MIB1: variants seen among roughly 807,000 people sequenced by gnomAD.
MIB1 encodes MIB E3 ubiquitin protein ligase 1.
Under a neutral mutation model 124.5 loss-of-function variants are expected in MIB1, and 278 were observed. The ratio of observed to expected loss-of-function variants is 2.23; its 90% confidence interval spans 2.02 to 2.47. The LOEUF is 2.47. Among genes scored for constraint, MIB1 ranks in the 30% most tolerant of loss-of-function variants. MIB1 has a pLI of 0.00. For synonymous variants in MIB1, 446 were observed against 429.4 expected, an observed-to-expected ratio of 1.04 and a Z score of -0.48; for missense variants, 957 against 1,254.4, an observed-to-expected ratio of 0.76 and a Z score of 3.58.
chr18:21,766,554 C>T (rs1230701060), intron 2 of MIB1, among the ~76,000 whole-genome samples: 1 of 152,098 alleles, frequency 6.6e-6, no homozygotes, highest in Non-Finnish European at 1.5e-5. Flanking sequence ...GATACAGATA[C>T]TGCAAAGGAG....
At chr18:21,758,353 G>A (rs1331926632) in intron 1 of MIB1, among the ~76,000 whole-genome samples, 1 of 152,122 alleles carries the variant, frequency 6.6e-6, no homozygotes, top group Admixed American at 6.6e-5. Flanking sequence ...TATTTTGATG[G>A]TTCAGGGAAA....
At chr18:21,758,595 C>T (rs563443763) in intron 1 of MIB1, among the ~76,000 whole-genome samples, 7 of 151,552 alleles carry the variant, frequency 4.6e-5, no homozygotes, top group African/African-American at 1.7e-4. Context: ...AGTGCAATGG[C>T]GTGGTCTTGA....
rs751438385 is a variant in MIB1, at chr18:21,815,826, A to G, written c.1677+13A>G. 3 of 1,610,512 alleles carry G rather than the reference A, an allele frequency of 1.9e-6. No individual in the cohort carries two copies. Among genetic ancestry groups the G allele is most frequent in the Non-Finnish European group, 2.5e-6 (3 of 1,176,738 alleles). ...TCCCAGTCTCCAGGTAAAACCTTTA[A>G]AGAAACACATCCTGCAGGTATTGCT... On this transcript the variant is annotated intron_variant, in intron 11 of 20. Transcript: ENST00000261537.
At chr18:21,732,235 G>A (rs999852106) in intron 1 of MIB1, among the ~76,000 whole-genome samples, 25 of 151,744 alleles carry the variant, frequency 1.6e-4, no homozygotes, top group Admixed American at 1.6e-3. Context: ...GGCTGAGGCA[G>A]GAGAATTACT....
intron 15 of MIB1, 54 bp downstream of exon 15, chr18:21,844,307 G>T: frequency 6.5e-7 from 1 of 1,542,704 alleles, no homozygotes; most frequent in South Asian, 1.2e-5. Context: ...TTTCATGCAA[G>T]ATCTTATATT....
intron 12 of MIB1, among the ~76,000 whole-genome samples, chr18:21,824,560 A>G (rs1427409422): frequency 6.6e-6 from 1 of 152,078 alleles, no homozygotes; most frequent in South Asian, 2.1e-4. Flanking sequence ...TCTACTCTCA[A>G]ACACCATATT....
rs2041376284 is a variant in MIB1 at position 21,782,132 on chromosome 18, A to T, written c.908+2447A>T. Reference sequence around the variant, plus strand: ...TCCTACTTTTTAAATTATTATTATTATTTTTTTGAGACGAAGTTTCGCTCT... The same window carrying T: ...TCCTACTTTTTAAATTATTATTATTTTTTTTTTGAGACGAAGTTTCGCTCT... On this transcript the variant is annotated intron_variant, in intron 6 of 20. Coordinates refer to ENST00000261537, the MANE Select transcript of MIB1 (RefSeq NM_020774.4). Among the ~76,000 whole-genome samples, 4 of 151,508 alleles carry T rather than the reference A, an allele frequency of 2.6e-5. No individual in the cohort carries two copies. In the South Asian group the frequency reaches 6.2e-4, roughly 24 times the overall value.
intron 8 of MIB1, among the ~76,000 whole-genome samples, chr18:21,799,324 A>G (rs1204922120): frequency 6.6e-6 from 1 of 152,026 alleles, no homozygotes; most frequent in African/African-American, 2.4e-5. Flanking sequence ...ACTTACTGAA[A>G]GTTATTAGCA....
At chr18:21,808,706 T>C (rs2041736582) in intron 10 of MIB1, among the ~76,000 whole-genome samples, 2 of 152,254 alleles carry the variant, frequency 1.3e-5, no homozygotes, top group South Asian at 2.1e-4. Flanking sequence ...CTTTAACGTA[T>C]AGGTAAAGGC....
chr18:21,763,156 G>T (rs1263885466), intron 1 of MIB1, among the ~76,000 whole-genome samples: 1 of 148,450 alleles, frequency 6.7e-6, no homozygotes, highest in Non-Finnish European at 1.5e-5. Flanking sequence ...GAAAGGAAGT[G>T]TTTTCTTAAT....
At chr18:21,817,125 A>G (rs1007973816) in intron 11 of MIB1, among the ~76,000 whole-genome samples, 1 of 138,802 alleles carries the variant, frequency 7.2e-6, no homozygotes, top group African/African-American at 2.6e-5. Context: ...TAGATGGTAG[A>G]TGGTTGGATT....
chr18:21,815,939 C>T (rs1006892832), intron 11 of MIB1, 126 bp downstream of exon 11: 5 of 826,924 alleles, frequency 6.0e-6, no homozygotes, highest in South Asian at 2.2e-5. Flanking sequence ...ATACCAAAGG[C>T]GTAAGATGTT....
chr18:21,844,439 G>T (rs2042118380), intron 15 of MIB1, among the ~76,000 whole-genome samples, 186 bp downstream of exon 15: 1 of 152,082 alleles, frequency 6.6e-6, no homozygotes, highest in Admixed American at 6.6e-5. Context: ...ACCAAAAGTT[G>T]TTCAGTTCTG....
chr18:21,734,023 C>T (rs541384525), intron 1 of MIB1, among the ~76,000 whole-genome samples: 46 of 152,002 alleles, frequency 3.0e-4, no homozygotes, highest in Admixed American at 5.2e-4. Flanking sequence ...CCATAAACGT[C>T]TCATTAAGCA....
intron 7 of MIB1, chr18:21,794,083 G>A (rs553701843): frequency 3.9e-5 from 6 of 152,184 alleles, no homozygotes; most frequent in Middle Eastern, 3.4e-3. Context: ...CAAAACTCTC[G>A]TGCTGATCAG....
intron 1 of MIB1, among the ~76,000 whole-genome samples, chr18:21,714,235 C>T (rs1227394383): frequency 6.6e-6 from 1 of 152,252 alleles, no homozygotes; most frequent in African/African-American, 2.4e-5. Context: ...CGTAACAGAC[C>T]AGAGAGGAAG....
chr18:21,821,007 T>G (rs2041873086), intron 12 of MIB1, among the ~76,000 whole-genome samples: 1 of 152,206 alleles, frequency 6.6e-6, no homozygotes, highest in Non-Finnish European at 1.5e-5. Context: ...GCTTCATTGC[T>G]TAGAGTTATC....
intron 1 of MIB1, among the ~76,000 whole-genome samples, chr18:21,726,098 G>A (rs2040740879): frequency 6.6e-6 from 1 of 152,164 alleles, no homozygotes; most frequent in Admixed American, 6.6e-5. Context: ...ATGGAAAAGA[G>A]GCTGGGAATG....
chr18:21,848,968 GGTGA>G (rs544084134), intron 16 of MIB1, among the ~76,000 whole-genome samples: 323 of 151,928 alleles, frequency 2.1e-3, no homozygotes, highest in African/African-American at 7.5e-3. Flanking sequence ...TTTTCCATTG[GGTGA>G]GTGAGTGTTC....
Sources: allele counts gnomAD v4.1 joint callset (sites outside exome capture counted in the v4.1 genomes callset), GRCh38; gene constraint gnomAD v4.1.1; transcripts MANE v1.5; gene names NCBI Gene and HGNC (gene_info 2026-07-23, HGNC 2026-07-21).